Variants in STK24 observed in about 807,000 individuals in gnomAD.
STK24 encodes serine/threonine-protein kinase 24.
Under a neutral mutation model 55.6 loss-of-function variants are expected in STK24, and 21 were observed. The ratio of observed to expected loss-of-function variants is 0.38; its 90% CI spans 0.27 to 0.54. The LOEUF (loss-of-function observed/expected upper bound fraction) is 0.54, where lower values mean the gene tolerates loss of function less well. Ranked by LOEUF, STK24 falls within the 20% of genes least tolerant of loss-of-function variation. STK24 has a pLI of 0.79. For synonymous variants in STK24, 200 were observed against 215.2 expected, an observed-to-expected ratio of 0.93 and a Z score of 0.62; for missense variants, 383 against 538.4, an observed-to-expected ratio of 0.71 and a Z score of 2.86.
At chr13:98,575,432 T>TACACACACACACACATATAC (rs34923137) in intron 1 of STK24, among the ~76,000 whole-genome samples, 1 of 139,704 alleles carries the variant, frequency 7.2e-6, no homozygotes, top group African/African-American at 2.6e-5. Flanking sequence ...CACACACATA[T>TACACACACACACACATATAC]ACACACACAC....
chr13:98,474,744 G>T, intron 5 of STK24, 77 bp downstream of exon 5: 1 of 1,507,800 alleles, frequency 6.6e-7, no homozygotes. Context: ...ACTTAGAAAA[G>T]CTACCAGGCT....
intron 1 of STK24, among the ~76,000 whole-genome samples, chr13:98,521,248 T>C (rs1896250391): frequency 2.0e-5 from 3 of 151,848 alleles, no homozygotes; most frequent in Admixed American, 6.6e-5. Flanking sequence ...AACATATCAA[T>C]TGGGTGATTA....
intron 2 of STK24, among the ~76,000 whole-genome samples, chr13:98,502,006 CT>C (rs1895482547): frequency 1.3e-5 from 2 of 152,192 alleles, no homozygotes; most frequent in African/African-American, 4.8e-5. Context: ...GCTGCCCCAG[CT>C]CTCCAACCCT....
chr13:98,486,605 G>A (rs1215815871), intron 2 of STK24, among the ~76,000 whole-genome samples: 1 of 152,050 alleles, frequency 6.6e-6, no homozygotes, highest in East Asian at 1.9e-4. Context: ...CAGCACCCCT[G>A]GCTCTGTCCA....
chr13:98,479,984 T>A (rs577379326), intron 3 of STK24, among the ~76,000 whole-genome samples: 10 of 152,286 alleles, frequency 6.6e-5, no homozygotes, highest in Admixed American at 6.5e-4. Flanking sequence ...ATCTGCTAGC[T>A]GGGACCCTTC....
chr13:98,513,831 G>T (rs917135844), intron 2 of STK24, among the ~76,000 whole-genome samples: 6 of 152,164 alleles, frequency 3.9e-5, no homozygotes, highest in African/African-American at 1.4e-4. Flanking sequence ...GAATTTCTGA[G>T]GCATAGGAGA....
chr13:98,469,275 G>A (rs1432623915), intron 5 of STK24, among the ~76,000 whole-genome samples: 3 of 152,188 alleles, frequency 2.0e-5, no homozygotes, highest in East Asian at 1.9e-4. Flanking sequence ...GGGGCCAGGC[G>A]CGGTGGCTCA....
At chr13:98,556,327 C>G (rs529934258) in intron 1 of STK24, among the ~76,000 whole-genome samples, 1 of 152,350 alleles carries the variant, frequency 6.6e-6, no homozygotes, top group Admixed American at 6.5e-5. Context: ...AGGATCACAT[C>G]ATTAAGGCTG....
rs188061377 is a variant in STK24, at chr13:98,454,392, G to A, written c.1260-1183C>T. 7.9e-5 allele frequency: 12 copies of A among 152,302 alleles called. No homozygotes were observed. The East Asian group carries it at 2.3e-3, about 29-fold the overall frequency. The allele number at this position is 152,302 out of a possible 1,614,324, so 9.4% of individuals were successfully genotyped here. A position where few individuals can be genotyped will look rare whatever the true frequency, so the allele number is the denominator to read the frequency against. On this transcript the variant is annotated intron_variant, in intron 10 of 10. Coordinates refer to ENST00000539966, the MANE Select transcript of STK24 (RefSeq NM_001032296.4). ...AGGTCCAGGAGAGATGGCTGAGGAT[G>A]TCTTTGACCAGGCTTATCTCAAACG...
intron 2 of STK24, among the ~76,000 whole-genome samples, chr13:98,496,376 A>C (rs1594611692): frequency 6.6e-6 from 1 of 152,248 alleles, no homozygotes; most frequent in East Asian, 1.9e-4. Flanking sequence ...TGGAAAAAAG[A>C]AGTCAACTCT....
At chr13:98,540,236 G>A (rs1896851488) in intron 1 of STK24, among the ~76,000 whole-genome samples, 1 of 152,198 alleles carries the variant, frequency 6.6e-6, no homozygotes, top group Admixed American at 6.5e-5. Flanking sequence ...TGTGAATGAC[G>A]ATGAGGAATC....
intron 1 of STK24, among the ~76,000 whole-genome samples, chr13:98,569,735 T>C (rs1897688027): frequency 6.6e-6 from 1 of 151,770 alleles, no homozygotes; most frequent in South Asian, 2.1e-4. Flanking sequence ...TCACTGACAT[T>C]ACAACATCTC....
At chr13:98,522,084 C>T in intron 1 of STK24, 2 of 1,358,686 alleles carry the variant, frequency 1.5e-6, no homozygotes, top group Non-Finnish European at 1.9e-6. Flanking sequence ...TGCAGCCTGG[C>T]TCCGCTCTGG....
chr13:98,465,163 C>T (rs1386968064), intron 6 of STK24, among the ~76,000 whole-genome samples: 2 of 152,202 alleles, frequency 1.3e-5, no homozygotes, highest in African/African-American at 4.8e-5. Flanking sequence ...ACCCAAACAC[C>T]GAGTCGAACC....
chr13:98,537,817 T>C (rs1236870280), intron 1 of STK24, among the ~76,000 whole-genome samples: 1 of 152,106 alleles, frequency 6.6e-6, no homozygotes, highest in Non-Finnish European at 1.5e-5. Context: ...TTTAAGTGAC[T>C]GACAAAGTCA....
intron 5 of STK24, among the ~76,000 whole-genome samples, chr13:98,472,646 T>C (rs971752004): frequency 6.6e-6 from 1 of 152,198 alleles, no homozygotes; most frequent in Admixed American, 6.5e-5. Context: ...TTTCTTCCTT[T>C]GAAGGCACTT....
intron 2 of STK24, among the ~76,000 whole-genome samples, chr13:98,515,441 T>TA (rs1392708623): frequency 1.3e-5 from 2 of 151,422 alleles, no homozygotes; most frequent in South Asian, 2.1e-4. Flanking sequence ...ACACTGAAAC[T>TA]ACAACGGGTG....
intron 2 of STK24, among the ~76,000 whole-genome samples, chr13:98,516,087 C>A: frequency 6.6e-6 from 1 of 152,158 alleles, no homozygotes; most frequent in East Asian, 1.9e-4. Flanking sequence ...CAGGAGGGTC[C>A]CCTTCTGGGC....
rs945355663 is a variant in STK24, at chr13:98,446,456, G to T, written c.*6717C>A. 3.3e-6 allele frequency: 2 copies of T among 611,068 alleles called. No individual in the cohort carries two copies. The highest frequency in any genetic ancestry group is 1.9e-5 in the African/African-American group (1 of 54,032). 37.9% of individuals were successfully genotyped at this position (611,068 alleles called of 1,614,324 possible). On this transcript the variant is annotated 3_prime_UTR_variant, in exon 11 of 11. Coordinates refer to ENST00000539966, the MANE Select transcript of STK24 (RefSeq NM_001032296.4). The stretch of plus-strand genomic sequence containing the variant: ...TCTTCTGCCTGGACAAGGGACGGGG[G>T]TTGGCTTTATCTACAGCTCAGTCCT...
Sources: gnomAD v4.1 joint callset for allele counts (sites outside exome capture counted in the v4.1 genomes callset) on GRCh38, gnomAD v4.1.1 for gene constraint, MANE v1.5 for transcripts, NCBI Gene and HGNC (gene_info 2026-07-23, HGNC 2026-07-21) for gene names.